KIAA1217: variants seen among roughly 807,000 people sequenced by gnomAD.
KIAA1217 encodes the protein sickle tail protein homolog.
A neutral mutation model predicts 163.9 loss-of-function variants in KIAA1217; 88 were observed. The ratio of observed to expected loss-of-function variants is 0.54; its 90% confidence interval spans 0.45 to 0.64. The LOEUF (loss-of-function observed/expected upper bound fraction) is 0.64. KIAA1217 is among the 30% of genes least tolerant of loss of function. The pLI is 0.00. For synonymous variants in KIAA1217, 903 were observed against 923.1 expected (o/e 0.98, Z 0.39); for missense variants, 2,372 against 2,475.0 (o/e 0.96, Z 0.88).
chr10:24,504,780 G>A (rs2134059632), intron 9 of KIAA1217, among the ~76,000 whole-genome samples: 1 of 152,268 alleles, frequency 6.6e-6, no homozygotes, highest in Middle Eastern at 3.4e-3. Flanking sequence ...TATCCTATTT[G>A]AGCATTTCAT....
intron 2 of KIAA1217, among the ~76,000 whole-genome samples, chr10:24,242,936 T>C (rs1213664385): frequency 6.6e-6 from 1 of 152,206 alleles, no homozygotes; most frequent in African/African-American, 2.4e-5. Context: ...AATGGGGTTG[T>C]TTTTTGCTTG....
chr10:24,463,693 A>G (rs1229823232), intron 5 of KIAA1217, among the ~76,000 whole-genome samples: 1 of 152,268 alleles, frequency 6.6e-6, no homozygotes, highest in Non-Finnish European at 1.5e-5. Flanking sequence ...GGAAAATAGG[A>G]ATGAATATGT....
In KIAA1217 at chr10:23,862,317, C is replaced by G. The variant is rs945576173; in HGVS notation, c.-320-144908C>G. ...TTTTAATGCACAGATTATAAATATGCCTGTTGTGCATTTCTAAGTTAAATT... is the reference window on the plus strand; with the variant it reads ...TTTTAATGCACAGATTATAAATATGGCTGTTGTGCATTTCTAAGTTAAATT... On this transcript the variant is annotated intron_variant, in intron 1 of 18. Coordinates refer to the KIAA1217 transcript ENST00000376462. 7.9e-5 allele frequency among the ~76,000 whole-genome samples: 12 copies of G among 151,950 alleles called. 1 individual carries two copies. Among genetic ancestry groups the G allele is most frequent in the Admixed American group, 7.2e-4 (11 of 15,254 alleles).
chr10:24,215,054 T>G (rs2068640482), intron 1 of KIAA1217, among the ~76,000 whole-genome samples: 1 of 152,228 alleles, frequency 6.6e-6, no homozygotes, highest in African/African-American at 2.4e-5. Flanking sequence ...CATGAGCCTC[T>G]GCGTGTTTGG....
Position 23,821,093 on chromosome 10 carries a change from CTG to C in KIAA1217, c.-321+125868_-321+125869del, listed in dbSNP as rs200107307. 9.5e-4 allele frequency among the ~76,000 whole-genome samples: 130 copies of C among 137,444 alleles called. 4 individuals carry two copies. In the South Asian group the frequency reaches 0.025, roughly 27 times the overall value. The allele number at this position is 137,444 out of a possible 152,430, so 90.2% of individuals were successfully genotyped here. On this transcript the variant is annotated intron_variant, in intron 1 of 18. Transcript: ENST00000376462. Reference sequence around the variant, plus strand: ...CTTCATGGGCTTAATTTTCTTGCAGCTGTGTGTGTGCGTGTGTGTGTGTGTGT... The same window carrying C: ...CTTCATGGGCTTAATTTTCTTGCAGCTGTGTGTGCGTGTGTGTGTGTGTGT...
chr10:23,953,000 G>C (rs971245419), intron 1 of KIAA1217, among the ~76,000 whole-genome samples: 2 of 152,178 alleles, frequency 1.3e-5, no homozygotes, highest in Non-Finnish European at 2.9e-5. Context: ...TTTTGCATGA[G>C]GAGTTCTATT....
At chr10:24,245,456 A>G (rs2073680706) in intron 2 of KIAA1217, among the ~76,000 whole-genome samples, 1 of 152,100 alleles carries the variant, frequency 6.6e-6, no homozygotes, top group South Asian at 2.1e-4. Flanking sequence ...CTTTGGACCT[A>G]CTACTTGCCA....
intron 3 of KIAA1217, among the ~76,000 whole-genome samples, chr10:24,383,790 C>T (rs992271042): frequency 2.6e-5 from 4 of 152,158 alleles, no homozygotes; most frequent in African/African-American, 7.2e-5. Flanking sequence ...TGCCCTTGAC[C>T]GCCTCTTTGT....
chr10:24,520,451 A>G (rs1412720476), intron 11 of KIAA1217, among the ~76,000 whole-genome samples, 198 bp downstream of exon 11: 1 of 151,492 alleles, frequency 6.6e-6, no homozygotes, highest in Non-Finnish European at 1.5e-5. Flanking sequence ...CTGGTATTAG[A>G]GTGGGTGCTG....
intron 2 of KIAA1217, among the ~76,000 whole-genome samples, chr10:24,066,958 G>A (rs1012162089): frequency 5.9e-5 from 9 of 152,186 alleles, no homozygotes; most frequent in East Asian, 1.9e-4. Context: ...TTGTGCATTC[G>A]TCACGTAGTT....
At chr10:24,133,118 C>G (rs2063713858) in intron 2 of KIAA1217, among the ~76,000 whole-genome samples, 1 of 151,642 alleles carries the variant, frequency 6.6e-6, no homozygotes. Flanking sequence ...TAAGTGGAGC[C>G]TAGATCCCTA....
chr10:23,816,302 T>C (rs1256598303), intron 1 of KIAA1217, among the ~76,000 whole-genome samples: 13 of 152,148 alleles, frequency 8.5e-5, no homozygotes, highest in Non-Finnish European at 1.5e-5. Flanking sequence ...GTTTGTTTGT[T>C]TGTTTGTTTG....
At chr10:24,107,039 C>T (rs955067766) in intron 2 of KIAA1217, among the ~76,000 whole-genome samples, 2 of 152,290 alleles carry the variant, frequency 1.3e-5, no homozygotes, top group South Asian at 4.1e-4. Context: ...TCCTCCCAGC[C>T]TCCACCCTCA....
At chr10:24,313,850 T>G (rs955981301) in intron 2 of KIAA1217, among the ~76,000 whole-genome samples, 1 of 148,556 alleles carries the variant, frequency 6.7e-6, no homozygotes, top group South Asian at 2.2e-4. Context: ...GTTGTTTTTT[T>G]TTTTTTTTTT....
In KIAA1217 at chr10:24,009,867, C is replaced by T. The variant is rs151328093; in HGVS notation, c.-171+2493C>T. Among the ~76,000 whole-genome samples, 123 of 152,256 alleles carry T rather than the reference C, an allele frequency of 8.1e-4. 1 individual carries two copies. Among genetic ancestry groups the T allele is most frequent in the Admixed American group, 3.5e-3 (54 of 15,286 alleles). The stretch of plus-strand genomic sequence containing the variant: ...AGCTTGGGAGATTCGCTCTCAAAGA[C>T]TTACTCTGTGATTAAGACTTACTCT... On this transcript the variant is annotated intron_variant, in intron 2 of 18. Transcript: ENST00000376462.
chr10:23,818,130 C>A (rs1837432728), intron 1 of KIAA1217, among the ~76,000 whole-genome samples: 1 of 142,924 alleles, frequency 7.0e-6, no homozygotes, highest in African/African-American at 2.6e-5. Context: ...TATACTCACA[C>A]ACACATAAAG....
At chr10:24,210,953 T>A (rs916693669) in intron 1 of KIAA1217, among the ~76,000 whole-genome samples, 1 of 151,960 alleles carries the variant, frequency 6.6e-6, no homozygotes, top group Non-Finnish European at 1.5e-5. Flanking sequence ...TTTTTTTTTT[T>A]AGTATAAGTA....
chr10:23,910,432 A>G (rs964381262), intron 1 of KIAA1217, among the ~76,000 whole-genome samples: 2 of 152,160 alleles, frequency 1.3e-5, no homozygotes, highest in African/African-American at 4.8e-5. Context: ...AGGACTCCCA[A>G]GGAAACCTCT....
intron 2 of KIAA1217, among the ~76,000 whole-genome samples, chr10:24,263,735 T>C (rs2075939320): frequency 6.6e-6 from 1 of 152,248 alleles, no homozygotes; most frequent in South Asian, 2.1e-4. Context: ...CTCTATTTCA[T>C]GTTACGAGAT....
Sources: allele counts gnomAD v4.1 joint callset (sites outside exome capture counted in the v4.1 genomes callset), GRCh38; gene constraint gnomAD v4.1.1; transcripts MANE v1.5; gene names NCBI Gene and HGNC (gene_info 2026-07-23, HGNC 2026-07-21).